The following SAMTOR variants were observed in gnomAD, a reference collection of about 807,000 sequenced individuals.
The protein encoded by SAMTOR is S-adenosylmethionine sensor upstream of mTORC1, also known as UPF0532 protein C7orf60.
At chr7:112,929,271 G>A in the SAMTOR span, among the ~76,000 whole-genome samples, 1 of 151,654 alleles carries the variant, frequency 6.6e-6, no homozygotes, top group Non-Finnish European at 1.5e-5. Context: ...ACTAAAAAAT[G>A]GGCAATGACC....
At chr7:112,873,661 A>C in the SAMTOR span, among the ~76,000 whole-genome samples, 1 of 152,298 alleles carries the variant, frequency 6.6e-6, no homozygotes, top group East Asian at 1.9e-4. Flanking sequence ...TAGGCAAAGA[A>C]TATATGACTA....
chr7:112,827,525 A>G, the SAMTOR span, among the ~76,000 whole-genome samples: 1 of 152,324 alleles, frequency 6.6e-6, no homozygotes, highest in Middle Eastern at 3.4e-3. Flanking sequence ...TACTAATATT[A>G]TCACAGTGGA....
chr7:112,889,973 G>T, the SAMTOR span, among the ~76,000 whole-genome samples: 55 of 152,296 alleles, frequency 3.6e-4, 1 homozygote, highest in Middle Eastern at 0.014. Flanking sequence ...AACAAGCATG[G>T]AAAGTCAGCA....
chr7:112,898,243 A>T, the SAMTOR span, among the ~76,000 whole-genome samples: 1 of 152,186 alleles, frequency 6.6e-6, no homozygotes, highest in Non-Finnish European at 1.5e-5. Flanking sequence ...GACCATGGCA[A>T]CTGTAGTCTT....
At chr7:112,861,818 C>G in the SAMTOR span, among the ~76,000 whole-genome samples, 1 of 152,174 alleles carries the variant, frequency 6.6e-6, no homozygotes, top group Non-Finnish European at 1.5e-5. Context: ...TTTAAAAAAA[C>G]CTTTTCCCGA....
chr7:112,913,061 C>T, the SAMTOR span, among the ~76,000 whole-genome samples: 1 of 152,128 alleles, frequency 6.6e-6, no homozygotes, highest in Admixed American at 6.6e-5. Flanking sequence ...CTATTTGGTT[C>T]AGTAGTATGC....
At chr7:112,832,473 T>C in the SAMTOR span, 1 of 761,112 alleles carries the variant, frequency 1.3e-6, no homozygotes, top group South Asian at 1.5e-5. Context: ...AGGAAATACA[T>C]TTGCTATTTT....
the SAMTOR span, among the ~76,000 whole-genome samples, chr7:112,896,789 A>G: frequency 6.6e-6 from 1 of 152,234 alleles, no homozygotes; most frequent in South Asian, 2.1e-4. Context: ...CTATAAATAA[A>G]GTACCTAACC....
chr7:112,868,274 C>G, the SAMTOR span, among the ~76,000 whole-genome samples: 1 of 152,164 alleles, frequency 6.6e-6, no homozygotes, highest in South Asian at 2.1e-4. Flanking sequence ...TTGGAAATAG[C>G]AAAAATAGTG....
chr7:112,833,074 C>T, the SAMTOR span, among the ~76,000 whole-genome samples: 1 of 152,148 alleles, frequency 6.6e-6, no homozygotes, highest in Non-Finnish European at 1.5e-5. Context: ...CTGAGCCTGG[C>T]TCCCCCACCC....
the SAMTOR span, among the ~76,000 whole-genome samples, chr7:112,878,453 C>T: frequency 5.9e-5 from 9 of 152,114 alleles, no homozygotes; most frequent in African/African-American, 2.2e-4. Flanking sequence ...TCTGAGACTC[C>T]TAGGGATCCA....
chr7:112,821,603 G>GA, the SAMTOR span: 68 of 776,228 alleles, frequency 8.8e-5, no homozygotes, highest in African/African-American at 2.2e-4. Flanking sequence ...TTGAGAAGTA[G>GA]AAAAAAATAG....
chr7:112,939,537 G>A, the SAMTOR span: 1 of 1,612,060 alleles, frequency 6.2e-7, no homozygotes, highest in Non-Finnish European at 8.5e-7. Flanking sequence ...GAGGTGACAA[G>A]CGGTTGGGGG....
At chr7:112,886,769 A>G in the SAMTOR span, among the ~76,000 whole-genome samples, 7 of 152,362 alleles carry the variant, frequency 4.6e-5, no homozygotes, top group African/African-American at 1.4e-4. Context: ...TGGTTCCACC[A>G]TATCTCCCTG....
chr7:112,937,060 A>C, the SAMTOR span, among the ~76,000 whole-genome samples: 1 of 152,188 alleles, frequency 6.6e-6, no homozygotes, highest in Non-Finnish European at 1.5e-5. Flanking sequence ...CTTATCTGTA[A>C]AATGAAGAAG....
the SAMTOR span, among the ~76,000 whole-genome samples, chr7:112,846,786 T>A: frequency 1.3e-5 from 2 of 152,314 alleles, no homozygotes; most frequent in East Asian, 1.9e-4. Context: ...TTTAAAAAAT[T>A]GTATCTGTTT....
At chr7:112,855,261 A>G in the SAMTOR span, among the ~76,000 whole-genome samples, 3 of 152,374 alleles carry the variant, frequency 2.0e-5, no homozygotes, top group South Asian at 4.1e-4. Flanking sequence ...ATGGAAATAT[A>G]TACTATGAAT....
the SAMTOR span, chr7:112,832,611 T>A: frequency 6.2e-7 from 1 of 1,613,586 alleles, no homozygotes; most frequent in Non-Finnish European, 8.5e-7. Flanking sequence ...TCTTCAAACT[T>A]CAGAAATGGG....
chr7:112,896,975 A>C, the SAMTOR span, among the ~76,000 whole-genome samples: 1 of 152,190 alleles, frequency 6.6e-6, no homozygotes, highest in East Asian at 1.9e-4. Context: ...TGAAGTTTAA[A>C]GTACTGGGCA....
Sources: allele counts gnomAD v4.1 joint callset (sites outside exome capture counted in the v4.1 genomes callset), GRCh38; gene constraint gnomAD v4.1.1; transcripts MANE v1.5; gene names NCBI Gene and HGNC (gene_info 2026-07-23, HGNC 2026-07-21).